The following KCNQ1 variants were observed in gnomAD, a reference collection of about 807,000 sequenced individuals.
KCNQ1 encodes potassium voltage-gated channel subfamily Q member 1.
A neutral mutation model predicts 72.4 loss-of-function variants in KCNQ1; 49 were observed. The ratio of observed to expected loss-of-function variants is 0.68; its 90% CI spans 0.54 to 0.86. The LOEUF (loss-of-function observed/expected upper bound fraction) is 0.86. Ranked by LOEUF, KCNQ1 falls within the 40% of genes least tolerant of loss-of-function variation. The probability of loss-of-function intolerance (pLI) is 0.00; values close to 1 mark genes in which losing one functional copy is unlikely to be tolerated. For missense variants in KCNQ1, 790 were observed against 945.1 expected, an observed-to-expected ratio of 0.84 and a Z score of 2.15; for synonymous variants, 450 against 412.6, an observed-to-expected ratio of 1.09 and a Z score of -1.10.
At position 2,668,306 on chromosome 11, in the gene KCNQ1, C is replaced by T. The variant is rs1025646062; in HGVS notation, c.1514+6225C>T. On this transcript the variant is annotated intron_variant, in intron 11 of 15. Coordinates refer to ENST00000155840, the MANE Select transcript of KCNQ1 (RefSeq NM_000218.3). This position sits in a 1 kb window ranked among gnomAD's most constrained non-coding sequence, Gnocchi z 4.3. The stretch of plus-strand genomic sequence containing the variant: ...TTTTGGTGAGCATCAGGTTGCGTTT[C>T]TGGGGAATATATGCCTATGTGTGGA... 7.5e-6 allele frequency: 3 copies of T among 398,486 alleles called. No homozygotes were observed. The highest frequency in any genetic ancestry group is 8.8e-5 in the Admixed American group (2 of 22,710). The allele number at this position is 398,486 out of a possible 1,614,324, so 24.7% of individuals were successfully genotyped here.
At position 2,446,459 on chromosome 11, in the gene KCNQ1, G is replaced by A. The variant is rs1846038652; in HGVS notation, c.386+975G>A. The stretch of plus-strand genomic sequence containing the variant: ...GTGGTCTCCCTGAGCGTCCTCAGGT[G>A]GAAGCATCTCCTCTGCCTCGGGCAG... On this transcript the variant is annotated intron_variant, in intron 1 of 15. Transcript: ENST00000155840. The surrounding 1 kb of genome is among the most constrained non-coding windows in gnomAD (Gnocchi z 8.8). 1.3e-5 allele frequency among the ~76,000 whole-genome samples: 2 copies of A among 152,212 alleles called. No individual in the cohort carries two copies. The highest frequency in any genetic ancestry group is 4.1e-4 in the South Asian group (2 of 4,832).
rs61869760 is a variant in KCNQ1 at position 2,772,238 on chromosome 11, C to T, written c.1590+3319C>T. Reference sequence around the variant, plus strand: ...GCCTGTCTGCTTGCTTGCACCCCACCCCACCCCCGCTGGCCTCAGGGGCTG... The same window carrying T: ...GCCTGTCTGCTTGCTTGCACCCCACTCCACCCCCGCTGGCCTCAGGGGCTG... On this transcript the variant is annotated intron_variant, in intron 12 of 15. Coordinates refer to ENST00000155840, the MANE Select transcript of KCNQ1 (RefSeq NM_000218.3). This position sits in a 1 kb window ranked among gnomAD's most constrained non-coding sequence, Gnocchi z 6.6. Among the ~76,000 whole-genome samples, 3,202 of 152,128 alleles carry T rather than the reference C, an allele frequency of 0.021. 52 individuals carry two copies. Among genetic ancestry groups the T allele is most frequent in the Non-Finnish European group, 0.033 (2,243 of 67,976 alleles).
intron 11 of KCNQ1, among the ~76,000 whole-genome samples, chr11:2,740,868 G>A (rs1846039345): frequency 6.6e-6 from 1 of 152,200 alleles, no homozygotes. Context: ...CCCGTATCAG[G>A]ACCCTTGTCA....
chr11:2,615,662 G>T (rs1849048605), intron 10 of KCNQ1: 2 of 397,928 alleles, frequency 5.0e-6, no homozygotes, highest in East Asian at 7.2e-5. Flanking sequence ...ATCCTTCATT[G>T]TATTAATGTG....
At chr11:2,672,376 T>C (rs908273142) in intron 11 of KCNQ1, 1 of 346,662 alleles carries the variant, frequency 2.9e-6, no homozygotes, top group East Asian at 3.8e-5. Flanking sequence ...CAGGCTGATA[T>C]GATTGAGCTC....
chr11:2,709,220 G>GCCCCCCC (rs34617956), intron 11 of KCNQ1, among the ~76,000 whole-genome samples: 4 of 130,038 alleles, frequency 3.1e-5, no homozygotes, highest in East Asian at 2.5e-4. Flanking sequence ...CGGCTTCCAG[G>GCCCCCCC]CCCCCCCCAC....
At chr11:2,660,338 A>G in intron 10 of KCNQ1, 1 of 398,418 alleles carries the variant, frequency 2.5e-6, no homozygotes, top group Admixed American at 4.4e-5. Flanking sequence ...TAGTGAAATT[A>G]GGAATAAATT....
At chr11:2,846,266 G>A (rs1848327033) in intron 15 of KCNQ1, among the ~76,000 whole-genome samples, 1 of 152,214 alleles carries the variant, frequency 6.6e-6, no homozygotes, top group Non-Finnish European at 1.5e-5. Context: ...CTGTGGCTGA[G>A]TCATCTTCGT....
chr11:2,586,935 C>T (rs1848600559), intron 8 of KCNQ1, among the ~76,000 whole-genome samples: 1 of 151,838 alleles, frequency 6.6e-6, no homozygotes. Context: ...GCCGGGTCCC[C>T]TGCCGATAGT....
chr11:2,600,518 C>T lies in KCNQ1; in HGVS notation c.1393+11664C>T, dbSNP rs116895115. 1.6e-4 allele frequency among the ~76,000 whole-genome samples: 25 copies of T among 152,306 alleles called. No homozygotes were observed. The East Asian group carries it at 4.6e-3, about 28-fold the overall frequency. On this transcript the variant is annotated intron_variant, in intron 10 of 15. Coordinates refer to ENST00000155840, the MANE Select transcript of KCNQ1 (RefSeq NM_000218.3). The surrounding 1 kb of genome is among the most constrained non-coding windows in gnomAD (Gnocchi z 5.6). ...TTCTGAAACATCTGTGAGTTGCATA[C>T]TCCACAGCTCTTTGCCCCTAAACAT...
At chr11:2,531,276 A>G (rs765203579) in intron 2 of KCNQ1, among the ~76,000 whole-genome samples, 2 of 128,050 alleles carry the variant, frequency 1.6e-5, no homozygotes, top group Non-Finnish European at 3.2e-5. Flanking sequence ...TGGGCTCCAC[A>G]TGCCCGTCTG....
At chr11:2,490,463 C>T (rs1290773949) in intron 1 of KCNQ1, among the ~76,000 whole-genome samples, 4 of 152,098 alleles carry the variant, frequency 2.6e-5, no homozygotes, top group African/African-American at 9.7e-5. Context: ...TACAGCGGGC[C>T]TTGGGTGAAA....
rs576535385 is a variant in KCNQ1 at position 2,461,354 on chromosome 11, A to G, written c.386+15870A>G. ...GCTGTCGTTCCTGAAATAGCCTCTGAAGCTCTGTCCGGGAAGGGAACCTTG... is the reference window on the plus strand; with the variant it reads ...GCTGTCGTTCCTGAAATAGCCTCTGGAGCTCTGTCCGGGAAGGGAACCTTG... On this transcript the variant is annotated intron_variant, in intron 1 of 15. Coordinates refer to ENST00000155840, the MANE Select transcript of KCNQ1 (RefSeq NM_000218.3). 242 of 1,140,614 alleles carry G rather than the reference A, an allele frequency of 2.1e-4. No homozygotes were observed. The African/African-American group carries it at 3.6e-3, about 17-fold the overall frequency. The allele number at this position is 1,140,614 out of a possible 1,614,324, so 70.7% of individuals were successfully genotyped here.
chr11:2,605,867 G>A (rs539897578), intron 10 of KCNQ1, among the ~76,000 whole-genome samples: 2 of 152,272 alleles, frequency 1.3e-5, no homozygotes, highest in Admixed American at 6.5e-5. Context: ...GCACGATTCC[G>A]GGAGTGTTGC....
chr11:2,589,033 G>C (rs1848635836), intron 10 of KCNQ1, among the ~76,000 whole-genome samples, 179 bp downstream of exon 10: 1 of 152,190 alleles, frequency 6.6e-6, no homozygotes, highest in African/African-American at 2.4e-5. Flanking sequence ...CTTCCCCTCA[G>C]AGTCTTCCCA....
chr11:2,533,835 G>C (rs1426147368), intron 2 of KCNQ1, among the ~76,000 whole-genome samples: 1 of 152,218 alleles, frequency 6.6e-6, no homozygotes, highest in Non-Finnish European at 1.5e-5. Context: ...CACACAAAGA[G>C]AGAGGCACTC....
chr11:2,459,365 T>TG (rs1564786766), intron 1 of KCNQ1, among the ~76,000 whole-genome samples: 1 of 151,512 alleles, frequency 6.6e-6, no homozygotes, highest in Admixed American at 6.6e-5. Context: ...GGGGCAGGGG[T>TG]GGGGGGCAAT....
rs200976560 is a variant in KCNQ1, at chr11:2,762,836, T to C, written c.1515-6008T>C. Among the ~76,000 whole-genome samples, 5 of 152,270 alleles carry C rather than the reference T, an allele frequency of 3.3e-5. No individual in the cohort carries two copies. The South Asian group carries it at 6.2e-4, about 19-fold the overall frequency. ...CACCCCGTCCACGGAAAAAGTGTCT[T>C]CCACGAAACTGGTCCCTGGTGCCAA... On this transcript the variant is annotated intron_variant, in intron 11 of 15. Coordinates refer to ENST00000155840, the MANE Select transcript of KCNQ1 (RefSeq NM_000218.3). The surrounding 1 kb of genome is among the most constrained non-coding windows in gnomAD (Gnocchi z 4.3).
chr11:2,801,600 C>CT (rs1436652398), intron 15 of KCNQ1, among the ~76,000 whole-genome samples: 2 of 152,342 alleles, frequency 1.3e-5, no homozygotes, highest in Admixed American at 1.3e-4. Context: ...TCACAGTCTC[C>CT]TTTAATATTT....
Sources: gnomAD v4.1 joint callset for allele counts (sites outside exome capture counted in the v4.1 genomes callset) on GRCh38, gnomAD v4.1.1 for gene constraint, Gnocchi (gnomAD v3.1) non-coding constraint, MANE v1.5 for transcripts, NCBI Gene and HGNC (gene_info 2026-07-23, HGNC 2026-07-21) for gene names.